SIPA1L3: variants seen among roughly 807,000 people sequenced by gnomAD.
The protein encoded by SIPA1L3 is signal-induced proliferation-associated 1-like protein 3.
A neutral mutation model predicts 150.1 loss-of-function variants in SIPA1L3; 59 were observed. The ratio of observed to expected loss-of-function variants is 0.39; its 90% CI spans 0.32 to 0.49. SIPA1L3 has a LOEUF of 0.49. Among genes scored for constraint, SIPA1L3 ranks in the 20% least tolerant of loss-of-function variants. SIPA1L3 has a pLI of 0.86. For synonymous variants in SIPA1L3, 1,070 were observed against 1,077.6 expected (o/e 0.99, Z 0.14); for missense variants, 2,211 against 2,489.5 (o/e 0.89, Z 2.38).
chr19:38,164,780 G>T lies in SIPA1L3; in HGVS notation c.4082G>T (p.Arg1361Leu). Residue 1361 changes from arginine (R) to leucine (L), a missense_variant, in exon 15 of 22, where the codon CGG becomes CTG. Around this residue, in one of 5 missense-constraint regions of SIPA1L3, gnomAD observed 806 missense variants for 870.1 expected, o/e 0.93. Transcript: ENST00000222345. This position sits in a 1 kb window ranked among gnomAD's most constrained non-coding sequence, Gnocchi z 4.1. ...AGGTCCCACCACGCAGACAGGCGGC[G>T]GGAGGTCTCCCCTGCCCCCGCAGTT... ...AGRSHHADRR[R>L]EVSPAPAVAG... 1.2e-6 allele frequency: 2 copies of T among 1,612,334 alleles called. No individual in the cohort carries two copies. The highest frequency in any genetic ancestry group is 2.2e-5 in the South Asian group (2 of 90,962).
intron 4 of SIPA1L3, 52 bp downstream of exon 4, chr19:38,088,903 T>A: frequency 6.3e-7 from 1 of 1,594,640 alleles, no homozygotes; most frequent in Non-Finnish European, 8.6e-7. Context: ...CACTCACATC[T>A]CGAGCCAGGT....
intron 1 of SIPA1L3, among the ~76,000 whole-genome samples, chr19:38,025,844 C>G (rs1341651728): frequency 6.6e-6 from 1 of 152,184 alleles, no homozygotes; most frequent in African/African-American, 2.4e-5. Flanking sequence ...GCTTCCTAGA[C>G]CAGCTTAGCA....
At chr19:37,918,926 C>T (rs1440853814) in intron 1 of SIPA1L3, among the ~76,000 whole-genome samples, 1 of 146,692 alleles carries the variant, frequency 6.8e-6, no homozygotes, top group African/African-American at 2.5e-5. Context: ...AAACAAACTG[C>T]TGCTTTGGAC....
At chr19:37,950,735 C>G (rs909803176) in intron 1 of SIPA1L3, among the ~76,000 whole-genome samples, 1 of 152,240 alleles carries the variant, frequency 6.6e-6, no homozygotes, top group African/African-American at 2.4e-5. Flanking sequence ...CGAGCCCTCC[C>G]AGGTCTGATC....
Position 37,913,788 on chromosome 19 carries a change from G to A in SIPA1L3, c.-379+6430G>A, listed in dbSNP as rs1406385853. ...TCACAGCACTTTGGGAGGCTGAGGC[G>A]GGCAGATCACGAGGTCAGGAGATCG... On this transcript the variant is annotated intron_variant, in intron 1 of 21. Coordinates refer to ENST00000222345, the MANE Select transcript of SIPA1L3 (RefSeq NM_015073.3). 2.6e-5 allele frequency among the ~76,000 whole-genome samples: 4 copies of A among 150,968 alleles called. 1 individual carries two copies. The South Asian group carries it at 6.3e-4, about 24-fold the overall frequency.
chr19:38,051,676 A>G (rs1969200042), intron 2 of SIPA1L3, among the ~76,000 whole-genome samples: 2 of 152,124 alleles, frequency 1.3e-5, no homozygotes, highest in Non-Finnish European at 2.9e-5. Flanking sequence ...AGCTCATTGC[A>G]GACTCGAACT....
In SIPA1L3 at chr19:38,193,559, A is replaced by T. The variant is rs1178861842; in HGVS notation, c.4619A>T (p.Gln1540Leu). 6.6e-7 allele frequency: 1 copy of T among 1,519,008 alleles called. No homozygotes were observed. Among genetic ancestry groups the T allele is most frequent in the Non-Finnish European group, 8.7e-7 (1 of 1,143,490 alleles). The allele number at this position is 1,519,008 out of a possible 1,614,324, so 94.1% of individuals were successfully genotyped here. Residue 1540 changes from glutamine to leucine, a missense_variant, in exon 18 of 22, where the codon CAG (glutamine) becomes CTG (leucine). Gln to Leu is a moderately radical substitution (Grantham distance 113, BLOSUM62 -2). This residue lies in a region of SIPA1L3 where 806 missense variants were observed against 870.1 expected (regional missense o/e 0.93). Transcript: ENST00000222345. ...DTGQSPQKGL[Q>L]RTLSDESLCS... ...CAGCAGTCACCGCAGAAGGGCCTGC[A>T]GCGGACGCTGTCGGACGAGAGCCTG...
intron 10 of SIPA1L3, among the ~76,000 whole-genome samples, chr19:38,137,548 G>A (rs1197532278): frequency 3.3e-5 from 5 of 151,478 alleles, no homozygotes; most frequent in African/African-American, 7.3e-5. Flanking sequence ...TGATCCTCTC[G>A]TCTGTTCCTC....
At chr19:38,191,590 A>C (rs1972804935) in intron 16 of SIPA1L3, among the ~76,000 whole-genome samples, 1 of 152,040 alleles carries the variant, frequency 6.6e-6, no homozygotes, top group South Asian at 2.1e-4. Context: ...AGGCGGGTGG[A>C]TCACCTGAGG....
intron 15 of SIPA1L3, among the ~76,000 whole-genome samples, chr19:38,169,388 C>CAA (rs904366258): frequency 7.0e-5 from 10 of 141,878 alleles, no homozygotes; most frequent in African/African-American, 2.3e-4. Flanking sequence ...GACTCAGTCT[C>CAA]AAAAAAAAAA....
chr19:37,986,350 G>A (rs1344184514), intron 1 of SIPA1L3, among the ~76,000 whole-genome samples: 1 of 152,190 alleles, frequency 6.6e-6, no homozygotes, highest in Non-Finnish European at 1.5e-5. Context: ...ATTTTAACTC[G>A]AGGTGAGATG....
chr19:37,992,607 C>G (rs565273154), intron 1 of SIPA1L3, among the ~76,000 whole-genome samples: 1 of 150,608 alleles, frequency 6.6e-6, no homozygotes, highest in Non-Finnish European at 1.5e-5. Context: ...GCTGAGATTG[C>G]GCCACTGTAC....
intron 2 of SIPA1L3, among the ~76,000 whole-genome samples, chr19:38,078,004 A>G (rs1969885586): frequency 6.6e-6 from 1 of 152,068 alleles, no homozygotes; most frequent in Non-Finnish European, 1.5e-5. Context: ...GAAATGTTAC[A>G]TGCAACTCTA....
At chr19:37,909,156 C>T (rs2046358410) in intron 1 of SIPA1L3, among the ~76,000 whole-genome samples, 1 of 152,232 alleles carries the variant, frequency 6.6e-6, no homozygotes, top group South Asian at 2.1e-4. Flanking sequence ...GCTGCCATTT[C>T]ATAGAAACAC....
intron 12 of SIPA1L3, among the ~76,000 whole-genome samples, chr19:38,147,320 C>T (rs1478300850): frequency 1.3e-5 from 2 of 152,174 alleles, no homozygotes; most frequent in African/African-American, 2.4e-5. Context: ...CTGCCTTGGC[C>T]TCCCAAAGTG....
At chr19:38,177,803 A>G (rs1972470533) in intron 15 of SIPA1L3, among the ~76,000 whole-genome samples, 1 of 152,142 alleles carries the variant, frequency 6.6e-6, no homozygotes, top group Non-Finnish European at 1.5e-5. Flanking sequence ...AGGCAGGTGG[A>G]TCACTTGAGG....
At chr19:38,197,977 C>T (rs911668871) in intron 18 of SIPA1L3, among the ~76,000 whole-genome samples, 3 of 151,878 alleles carry the variant, frequency 2.0e-5, no homozygotes, top group Non-Finnish European at 2.9e-5. Context: ...AGGCCCCACA[C>T]GGTCCGGCCG....
intron 7 of SIPA1L3, among the ~76,000 whole-genome samples, chr19:38,107,654 A>G (rs1299987041): frequency 6.6e-6 from 1 of 152,150 alleles, no homozygotes; most frequent in Non-Finnish European, 1.5e-5. Context: ...TTGATTTCCT[A>G]AGGTTCATCT....
chr19:38,193,399 A>G (rs1972847240), intron 17 of SIPA1L3, 138 bp from the exon 18 acceptor site: 3 of 995,682 alleles, frequency 3.0e-6, no homozygotes, highest in Non-Finnish European at 4.0e-6. Context: ...GGGAGGGAGG[A>G]AGGAAGGAAA....
Sources: allele counts gnomAD v4.1 joint callset (sites outside exome capture counted in the v4.1 genomes callset), GRCh38; gene constraint gnomAD v4.1.1; regional missense constraint gnomAD v4.1.1; non-coding constraint Gnocchi (gnomAD v3.1); transcripts MANE v1.5; gene names NCBI Gene and HGNC (gene_info 2026-07-23, HGNC 2026-07-21).